The following CLCC1 variants were observed in gnomAD, a reference collection of about 807,000 sequenced individuals.
CLCC1 encodes the protein chloride channel CLIC like 1.
In CLCC1, 39 loss-of-function variants were observed where a neutral mutation model predicts 63.3. The observed-to-expected ratio is 0.62, with a 90% CI of 0.48 to 0.81. The LOEUF (loss-of-function observed/expected upper bound fraction) is 0.81, where lower values mean the gene tolerates loss of function less well. CLCC1 is among the 30% of genes least tolerant of loss of function. CLCC1 has a pLI of 0.00. For missense variants in CLCC1, 549 were observed against 669.4 expected (o/e 0.82, Z 1.98); for synonymous variants, 217 against 239.8 (o/e 0.90, Z 0.88).
intron 7 of CLCC1, among the ~76,000 whole-genome samples, chr1:108,941,906 A>G (rs1352105946): frequency 1.3e-5 from 2 of 152,158 alleles, no homozygotes; most frequent in Non-Finnish European, 2.9e-5. Flanking sequence ...CGCCCGCCTC[A>G]GCCTCCCAAA....
intron 10 of CLCC1, 148 bp from the exon 11 acceptor site, chr1:108,937,566 T>TC (rs1653200769): frequency 1.5e-6 from 1 of 653,490 alleles, no homozygotes; most frequent in Non-Finnish European, 2.4e-6. Flanking sequence ...TGACTTTTTT[T>TC]CATTAGAGAC....
chr1:108,936,299 G>A (rs1321499345), intron 11 of CLCC1, among the ~76,000 whole-genome samples: 2 of 152,106 alleles, frequency 1.3e-5, no homozygotes, highest in Non-Finnish European at 2.9e-5. Flanking sequence ...GCTTTGCCAC[G>A]TTGGCCAGGC....
chr1:108,957,620 C>T (rs1004325619), intron 2 of CLCC1, among the ~76,000 whole-genome samples: 1 of 151,436 alleles, frequency 6.6e-6, no homozygotes. Context: ...ATTTGGATGT[C>T]GGTAAGGACA....
In CLCC1 at chr1:108,930,041, A is replaced by C. The variant is rs1219729081; in HGVS notation, c.*2506T>G. On this transcript the variant is annotated 3_prime_UTR_variant, in exon 13 of 13. Transcript: ENST00000369969. ...TTTATAGCACTGTAATACAGCTTAAAATATTTTTAGAATGATGTAAATAGT... is the reference window on the plus strand; with the variant it reads ...TTTATAGCACTGTAATACAGCTTAACATATTTTTAGAATGATGTAAATAGT... The C allele has an allele frequency of 9.5e-7, 1 of 1,051,712 alleles. No homozygotes were observed. Among genetic ancestry groups the C allele is most frequent in the Non-Finnish European group, 1.4e-6 (1 of 705,108 alleles). The allele number at this position is 1,051,712 out of a possible 1,614,324, so 65.1% of individuals were successfully genotyped here.
Position 108,934,800 on chromosome 1 carries a change from G to A in CLCC1, c.1526C>T (p.Ser509Leu). 1 of 1,614,216 alleles carries A rather than the reference G, an allele frequency of 6.2e-7. No individual in the cohort carries two copies. Among genetic ancestry groups the A allele is most frequent in the Non-Finnish European group, 8.5e-7 (1 of 1,180,046 alleles). Residue 509 changes from serine (S) to leucine (L), a missense_variant, in exon 12 of 13, where the codon TCA (serine) becomes TTA (leucine). Coordinates refer to ENST00000369969, the MANE Select transcript of CLCC1 (RefSeq NM_001377458.1). ...GQDTSGNTEG[S>L]PAAEKAQLKS... is the part of the protein sequence containing the mutation. ...GAGCTGGGCCTTTTCCGCTGCGGGT[G>A]AACCTTCTGTATTCCCTGATGTGTC...
intron 5 of CLCC1, among the ~76,000 whole-genome samples, 168 bp downstream of exon 5, chr1:108,947,443 A>T (rs537608191): frequency 6.6e-6 from 1 of 152,350 alleles, no homozygotes; most frequent in African/African-American, 2.4e-5. Flanking sequence ...ACCACTGCAA[A>T]GCAGTATAGT....
At chr1:108,950,783 A>G (rs537946836) in intron 2 of CLCC1, among the ~76,000 whole-genome samples, 1 of 152,150 alleles carries the variant, frequency 6.6e-6, no homozygotes, top group East Asian at 1.9e-4. Flanking sequence ...CCAAAGTGCT[A>G]GGATTATAGG....
chr1:108,955,203 G>A (rs1444494133), intron 2 of CLCC1, among the ~76,000 whole-genome samples: 4 of 151,250 alleles, frequency 2.6e-5, no homozygotes, highest in Admixed American at 1.3e-4. Context: ...CTTCAGGAAG[G>A]TTACATTCTA....
chr1:108,929,603 T>C lies in CLCC1; in HGVS notation c.*2944A>G. ...ATTTCTGAGAAGCCCCAAATAAAAG[T>C]TTACAACTGCGTTTTCTTGTTGTGA... On this transcript the variant is annotated 3_prime_UTR_variant, in exon 13 of 13. Coordinates refer to ENST00000369969, the MANE Select transcript of CLCC1 (RefSeq NM_001377458.1). 1 of 1,113,666 alleles carries C rather than the reference T, an allele frequency of 9.0e-7. No homozygotes were observed. Among genetic ancestry groups the C allele is most frequent in the Non-Finnish European group, 1.4e-6 (1 of 732,356 alleles). 69.0% of individuals were successfully genotyped at this position (1,113,666 alleles called of 1,614,324 possible).
rs756467600 is a variant in CLCC1 at position 108,963,424 on chromosome 1, G to C, written c.-236C>G. 1.0e-5 allele frequency: 7 copies of C among 702,406 alleles called. No individual in the cohort carries two copies. Among genetic ancestry groups the C allele is most frequent in the Middle Eastern group, 2.3e-4 (1 of 4,370 alleles). 43.5% of individuals were successfully genotyped at this position (702,406 alleles called of 1,614,324 possible). A position where few individuals can be genotyped will look rare whatever the true frequency, so the allele number is the denominator to read the frequency against. ...GCCCAGGCCGGCCGCAGAAGAGGTC[G>C]CACAGCTTGCCGCCGCCCAGGGTTT... On this transcript the variant is annotated 5_prime_UTR_variant, in exon 1 of 13. Transcript: ENST00000369969.
At chr1:108,956,905 C>T (rs1038864728) in intron 2 of CLCC1, among the ~76,000 whole-genome samples, 1 of 58,184 alleles carries the variant, frequency 1.7e-5, no homozygotes, top group Non-Finnish European at 3.3e-5. Context: ...GGCGGGGAGG[C>T]GGGGAGGGAG....
At chr1:108,961,409 C>A (rs955117994) in intron 2 of CLCC1, among the ~76,000 whole-genome samples, 1 of 151,972 alleles carries the variant, frequency 6.6e-6, no homozygotes, top group African/African-American at 2.4e-5. Flanking sequence ...TCGAAAGTAA[C>A]CATCCTAGCT....
intron 10 of CLCC1, 91 bp from the exon 11 acceptor site, chr1:108,937,509 T>G: frequency 9.0e-7 from 1 of 1,112,152 alleles, no homozygotes; most frequent in Non-Finnish European, 1.3e-6. Flanking sequence ...AACAAAGTTA[T>G]GTAATTTAAC....
intron 3 of CLCC1, 137 bp downstream of exon 3, chr1:108,950,172 G>T (rs1655008397): frequency 2.2e-6 from 2 of 899,660 alleles, no homozygotes; most frequent in Admixed American, 6.0e-5. Context: ...TAGATTAACA[G>T]TGTCAAGAAA....
At chr1:108,934,971 G>A (rs780954357) in intron 11 of CLCC1, 29 bp from the exon 12 acceptor site, 1 of 1,556,544 alleles carries the variant, frequency 6.4e-7, no homozygotes, top group South Asian at 1.2e-5. Flanking sequence ...CATTTTAACT[G>A]TTTAATGTAA....
chr1:108,935,639 G>A (rs993204722), intron 11 of CLCC1, among the ~76,000 whole-genome samples: 1 of 152,140 alleles, frequency 6.6e-6, no homozygotes, highest in Non-Finnish European at 1.5e-5. Flanking sequence ...GGTCGTATAT[G>A]CCTATAGTCC....
At chr1:108,943,785 A>G (rs1264726778) in intron 6 of CLCC1, 51 bp downstream of exon 6, 2 of 1,504,016 alleles carry the variant, frequency 1.3e-6, no homozygotes, top group Non-Finnish European at 1.8e-6. Context: ...TTTGGAAAGT[A>G]TTTTAAAAAG....
chr1:108,962,807 G>A (rs1307853222), intron 1 of CLCC1, among the ~76,000 whole-genome samples: 1 of 150,444 alleles, frequency 6.6e-6, no homozygotes, highest in Non-Finnish European at 1.5e-5. Context: ...GAAGGCGGAG[G>A]TTGCCGTGAG....
chr1:108,940,979 T>C (rs1212848625), intron 8 of CLCC1, among the ~76,000 whole-genome samples: 1 of 152,132 alleles, frequency 6.6e-6, no homozygotes, highest in Non-Finnish European at 1.5e-5. Flanking sequence ...ATTTTTCCCG[T>C]AGTTAAAAAA....
Sources: gnomAD v4.1 joint callset for allele counts (sites outside exome capture counted in the v4.1 genomes callset) on GRCh38, gnomAD v4.1.1 for gene constraint, MANE v1.5 for transcripts, NCBI Gene and HGNC (gene_info 2026-07-23, HGNC 2026-07-21) for gene names.